PTPRD: variants seen among roughly 807,000 people sequenced by gnomAD.
PTPRD encodes protein tyrosine phosphatase receptor type D.
PTPRD carries 34 observed loss-of-function variants against 214.5 expected under a neutral mutation model. That is an observed-to-expected ratio of 0.16 (90% CI 0.12 to 0.21). The LOEUF is 0.21. Among genes scored for constraint, PTPRD ranks in the 10% least tolerant of loss-of-function variants. The probability of loss-of-function intolerance (pLI) is 1.00; values close to 1 mark genes in which losing one functional copy is unlikely to be tolerated. For missense variants in PTPRD, 2,545 were observed against 2,398.7 expected (o/e 1.06, Z -1.27); for synonymous variants, 1,128 against 845.7 (o/e 1.33, Z -5.79).
At chr9:9,071,696 G>A (rs1037813591) in intron 10 of PTPRD, among the ~76,000 whole-genome samples, 1 of 152,122 alleles carries the variant, frequency 6.6e-6, no homozygotes. Flanking sequence ...ACCTACAGAT[G>A]AAAATGCAAC....
chr9:9,827,780 G>C (rs1288067389), intron 5 of PTPRD, among the ~76,000 whole-genome samples: 1 of 152,046 alleles, frequency 6.6e-6, no homozygotes, highest in African/African-American at 2.4e-5. Context: ...CTAATATCTA[G>C]AATCTACAAA....
chr9:9,505,096 G>C (rs2096539223), intron 8 of PTPRD, among the ~76,000 whole-genome samples: 3 of 151,496 alleles, frequency 2.0e-5, no homozygotes. Context: ...ATCACAGTTT[G>C]ATTGCCCTTC....
At chr9:8,928,867 T>C (rs975864010) in intron 11 of PTPRD, among the ~76,000 whole-genome samples, 5 of 152,148 alleles carry the variant, frequency 3.3e-5, no homozygotes, top group Admixed American at 6.6e-5. Context: ...CTTATTTCCT[T>C]GAGCAGTGGT....
chr9:8,433,850 A>G (rs1590293627), intron 35 of PTPRD, among the ~76,000 whole-genome samples: 2 of 152,200 alleles, frequency 1.3e-5, no homozygotes, highest in East Asian at 3.9e-4. Context: ...TAGTGTTTAT[A>G]AAGTCTACAG....
chr9:9,082,531 G>T (rs1443741546), intron 10 of PTPRD, among the ~76,000 whole-genome samples: 1 of 152,004 alleles, frequency 6.6e-6, no homozygotes, highest in Admixed American at 6.6e-5. Flanking sequence ...TATTCAACCT[G>T]GTATTGGAAG....
chr9:9,607,836 T>C (rs1481276466), intron 7 of PTPRD, among the ~76,000 whole-genome samples: 2 of 150,696 alleles, frequency 1.3e-5, no homozygotes, highest in African/African-American at 2.4e-5. Flanking sequence ...GCTTCAAGGG[T>C]AACCAAGAAA....
chr9:8,882,311 T>A (rs1377902681), intron 11 of PTPRD, among the ~76,000 whole-genome samples: 1 of 152,180 alleles, frequency 6.6e-6, no homozygotes, highest in African/African-American at 2.4e-5. Context: ...ATCTTAAAAA[T>A]GGTCCAATCC....
At chr9:8,609,859 A>G (rs1489348061) in intron 14 of PTPRD, among the ~76,000 whole-genome samples, 1 of 152,158 alleles carries the variant, frequency 6.6e-6, no homozygotes, top group Non-Finnish European at 1.5e-5. Context: ...TCCTTATACA[A>G]ATAATATAAA....
At chr9:9,575,849 T>A (rs949182275) in intron 7 of PTPRD, among the ~76,000 whole-genome samples, 4 of 151,560 alleles carry the variant, frequency 2.6e-5, no homozygotes, top group African/African-American at 7.3e-5. Context: ...GTGGTAACTT[T>A]ATCAACACAC....
chr9:9,662,256 C>T, intron 7 of PTPRD, among the ~76,000 whole-genome samples: 1 of 151,658 alleles, frequency 6.6e-6, no homozygotes, highest in East Asian at 1.9e-4. Flanking sequence ...AAACCATTAC[C>T]TAATTGTTCT....
intron 2 of PTPRD, among the ~76,000 whole-genome samples, chr9:10,494,726 A>G (rs2041510815): frequency 6.6e-6 from 1 of 151,326 alleles, no homozygotes; most frequent in Non-Finnish European, 1.5e-5. Flanking sequence ...TATTTAATAT[A>G]AAAATTTTAC....
chr9:9,408,786 C>T (rs869870), intron 8 of PTPRD, among the ~76,000 whole-genome samples: 37,332 of 151,680 alleles, frequency 0.25, 5,039 homozygotes, highest in African/African-American at 0.35. Flanking sequence ...AAATAATGAA[C>T]ATAAAACATC....
intron 11 of PTPRD, among the ~76,000 whole-genome samples, chr9:8,896,056 C>G (rs1262078242): frequency 2.0e-5 from 3 of 152,098 alleles, no homozygotes; most frequent in Admixed American, 6.5e-5. Flanking sequence ...CATTTCCTAT[C>G]TTTTTTCAGT....
At chr9:8,503,372 A>C (rs1369136003) in intron 23 of PTPRD, among the ~76,000 whole-genome samples, 1 of 152,174 alleles carries the variant, frequency 6.6e-6, no homozygotes, top group African/African-American at 2.4e-5. Context: ...TATGTCAAAA[A>C]GTAAAGACAA....
intron 8 of PTPRD, among the ~76,000 whole-genome samples, chr9:9,480,227 T>G (rs1024997297): frequency 4.6e-5 from 7 of 152,194 alleles, no homozygotes; most frequent in Non-Finnish European, 1.0e-4. Flanking sequence ...AGATGGTGAT[T>G]GGTGGTATTC....
At chr9:8,714,938 G>A in intron 12 of PTPRD, among the ~76,000 whole-genome samples, 1 of 151,596 alleles carries the variant, frequency 6.6e-6, no homozygotes. Context: ...GACCTTAATG[G>A]TGCAAGATTT....
chr9:8,458,745 A>G (rs1023042285), intron 33 of PTPRD, among the ~76,000 whole-genome samples: 2 of 152,062 alleles, frequency 1.3e-5, no homozygotes, highest in Non-Finnish European at 1.5e-5. Flanking sequence ...ATAAAATACA[A>G]TGGGTTCCTT....
intron 3 of PTPRD, among the ~76,000 whole-genome samples, chr9:10,121,716 A>T (rs1191374446): frequency 6.6e-6 from 1 of 152,176 alleles, no homozygotes; most frequent in Non-Finnish European, 1.5e-5. Flanking sequence ...ACATCATTTG[A>T]TAAGCAATAA....
intron 9 of PTPRD, among the ~76,000 whole-genome samples, chr9:9,245,969 G>C (rs2099972885): frequency 6.6e-6 from 1 of 151,938 alleles, no homozygotes; most frequent in Non-Finnish European, 1.5e-5. Context: ...AAACGTTCAA[G>C]CAAAGCAAAC....
Sources: gnomAD v4.1 joint callset for allele counts (sites outside exome capture counted in the v4.1 genomes callset) on GRCh38, gnomAD v4.1.1 for gene constraint, MANE v1.5 for transcripts, NCBI Gene and HGNC (gene_info 2026-07-23, HGNC 2026-07-21) for gene names.